Variants in ADAMTS3 observed in about 807,000 individuals in gnomAD.
The protein encoded by ADAMTS3 is A disintegrin and metalloproteinase with thrombospondin motifs 3.
Under a neutral mutation model 129.0 loss-of-function variants are expected in ADAMTS3, and 73 were observed. The observed-to-expected ratio is 0.57, with a 90% CI of 0.47 to 0.69. The LOEUF is 0.69. Ranked by LOEUF, ADAMTS3 falls within the 30% of genes least tolerant of loss-of-function variation. The pLI is 0.00. For synonymous variants in ADAMTS3, 477 were observed against 510.8 expected (o/e 0.93, Z 0.89); for missense variants, 1,457 against 1,514.5 (o/e 0.96, Z 0.63).
At chr4:72,524,328 C>A (rs751700905) in intron 3 of ADAMTS3, among the ~76,000 whole-genome samples, 3 of 152,162 alleles carry the variant, frequency 2.0e-5, no homozygotes, top group Admixed American at 1.3e-4. Flanking sequence ...TTTCTTTCTG[C>A]AAACAACACT....
intron 4 of ADAMTS3, among the ~76,000 whole-genome samples, chr4:72,397,876 A>G (rs750617232): frequency 1.3e-5 from 2 of 152,192 alleles, no homozygotes; most frequent in African/African-American, 4.8e-5. Context: ...ATGGATATTC[A>G]GTGAACATAC....
At chr4:72,312,163 T>C in intron 13 of ADAMTS3, 128 bp downstream of exon 13, 3 of 944,510 alleles carry the variant, frequency 3.2e-6, no homozygotes, top group Non-Finnish European at 3.2e-6. Context: ...CAGGAGAACT[T>C]ACTCCTATAA....
intron 3 of ADAMTS3, among the ~76,000 whole-genome samples, chr4:72,460,440 A>G (rs1214220091): frequency 6.6e-6 from 1 of 151,470 alleles, no homozygotes. Flanking sequence ...AGTTGTAGAC[A>G]CCCCACCTGA....
intron 3 of ADAMTS3, among the ~76,000 whole-genome samples, chr4:72,518,186 A>C (rs1346789718): frequency 6.6e-6 from 1 of 152,040 alleles, no homozygotes; most frequent in Non-Finnish European, 1.5e-5. Flanking sequence ...GTTTGATTGC[A>C]CTGTGGTCTG....
chr4:72,425,298 T>C (rs1042515308), intron 3 of ADAMTS3, among the ~76,000 whole-genome samples: 2 of 152,126 alleles, frequency 1.3e-5, no homozygotes, highest in East Asian at 1.9e-4. Context: ...CACAAAAATA[T>C]AAAATATATA....
chr4:72,553,253 A>G (rs1026998483), intron 2 of ADAMTS3, among the ~76,000 whole-genome samples: 3 of 152,078 alleles, frequency 2.0e-5, no homozygotes, highest in Non-Finnish European at 4.4e-5. Context: ...CAAACCAAAC[A>G]TTTCTTAGTA....
At chr4:72,425,164 A>C (rs1722537871) in intron 3 of ADAMTS3, among the ~76,000 whole-genome samples, 1 of 152,172 alleles carries the variant, frequency 6.6e-6, no homozygotes, top group South Asian at 2.1e-4. Flanking sequence ...CAAATATATG[A>C]GTATTCTCAG....
At chr4:72,390,141 A>T (rs1199818617) in intron 4 of ADAMTS3, among the ~76,000 whole-genome samples, 1 of 152,176 alleles carries the variant, frequency 6.6e-6, no homozygotes, top group African/African-American at 2.4e-5. Flanking sequence ...AATGTCTTTA[A>T]ACTACATTTA....
chr4:72,477,877 C>A (rs190365219), intron 3 of ADAMTS3, among the ~76,000 whole-genome samples: 6,135 of 151,880 alleles, frequency 0.04, 146 homozygotes, highest in Non-Finnish European at 0.048. Context: ...CCGATCCCAC[C>A]GAAATACAAA....
At chr4:72,373,467 T>C (rs1174633335) in intron 4 of ADAMTS3, among the ~76,000 whole-genome samples, 1 of 152,182 alleles carries the variant, frequency 6.6e-6, no homozygotes, top group African/African-American at 2.4e-5. Flanking sequence ...AAGAATAAAC[T>C]ATACCTACAC....
At chr4:72,336,752 T>C (rs936520586) in intron 5 of ADAMTS3, among the ~76,000 whole-genome samples, 2 of 152,142 alleles carry the variant, frequency 1.3e-5, no homozygotes, top group African/African-American at 4.8e-5. Flanking sequence ...GGCCAGATAA[T>C]TAAAAATTCT....
At chr4:72,492,999 G>T (rs1719786369) in intron 3 of ADAMTS3, among the ~76,000 whole-genome samples, 2 of 151,772 alleles carry the variant, frequency 1.3e-5, no homozygotes, top group South Asian at 2.1e-4. Context: ...TCTAGATAAG[G>T]TTTTAGACTT....
chr4:72,520,001 T>C (rs1241322266), intron 3 of ADAMTS3, among the ~76,000 whole-genome samples: 2 of 152,086 alleles, frequency 1.3e-5, no homozygotes, highest in Non-Finnish European at 2.9e-5. Context: ...GATGGTGATG[T>C]ACAGATGGGT....
chr4:72,548,809 G>A lies in ADAMTS3; in HGVS notation c.173C>T (p.Ser58Phe), dbSNP rs370857003. 7 of 1,613,788 alleles carry A rather than the reference G, an allele frequency of 4.3e-6. No homozygotes were observed. In the African/African-American group the frequency reaches 8.0e-5, roughly 18 times the overall value. Residue 58 changes from serine to phenylalanine, a missense_variant, in exon 3 of 22, where the codon TCC (serine) becomes TTC (phenylalanine). Ser to Phe is a radical substitution (Grantham distance 155, BLOSUM62 -2). Transcript: ENST00000286657. ...VSTNLEGRYL[S>F]HTLSASHKKR... ...TTTGTGACTCGCAGAAAGAGTATGGGAGAGATAGCGTCCTTCTAGATTTGT... is the reference window on the plus strand; with the variant it reads ...TTTGTGACTCGCAGAAAGAGTATGGAAGAGATAGCGTCCTTCTAGATTTGT...
chr4:72,296,378 G>A (rs1186625211), intron 18 of ADAMTS3, among the ~76,000 whole-genome samples: 2 of 151,984 alleles, frequency 1.3e-5, no homozygotes, highest in African/African-American at 4.8e-5. Flanking sequence ...AGCCTTCAGT[G>A]TCTAACAAGT....
At position 72,316,601 on chromosome 4, in the gene ADAMTS3, T is replaced by C. The variant is rs184284766; in HGVS notation, c.1486-630A>G. Among the ~76,000 whole-genome samples, 240 of 152,054 alleles carry C rather than the reference T, an allele frequency of 1.6e-3. 1 individual carries two copies. The highest frequency in any genetic ancestry group is 3.4e-3 in the Middle Eastern group (1 of 292). ...TACTTGGGAGGCTGAGGCAGGAGAA[T>C]CGCTGGAACCCAGGATGTGGAGGTT... On this transcript the variant is annotated intron_variant, in intron 10 of 21. Coordinates refer to ENST00000286657, the MANE Select transcript of ADAMTS3 (RefSeq NM_014243.3).
chr4:72,458,213 C>T (rs1718674966), intron 3 of ADAMTS3, among the ~76,000 whole-genome samples: 1 of 151,598 alleles, frequency 6.6e-6, no homozygotes, highest in African/African-American at 2.4e-5. Flanking sequence ...CAGTATAGTA[C>T]ATGCATCACT....
At chr4:72,437,476 TGTATCCTCCTTA>T (rs1365151087) in intron 3 of ADAMTS3, among the ~76,000 whole-genome samples, 3 of 151,780 alleles carry the variant, frequency 2.0e-5, no homozygotes, top group Non-Finnish European at 4.4e-5. Flanking sequence ...CCCATGGATC[TGTATCCTCCTTA>T]GTTGATACTA....
chr4:72,328,771 T>A (rs189725643), intron 5 of ADAMTS3, among the ~76,000 whole-genome samples: 137 of 152,166 alleles, frequency 9.0e-4, no homozygotes, highest in African/African-American at 3.2e-3. Context: ...AAAATTTTTT[T>A]AAAGAGACTT....
Sources: gnomAD v4.1 joint callset for allele counts (sites outside exome capture counted in the v4.1 genomes callset) on GRCh38, gnomAD v4.1.1 for gene constraint, MANE v1.5 for transcripts, NCBI Gene and HGNC (gene_info 2026-07-23, HGNC 2026-07-21) for gene names.